RNF212: variants seen among roughly 807,000 people sequenced by gnomAD.
RNF212 encodes ring finger protein 212, also known as probable E3 SUMO-protein ligase RNF212.
A neutral mutation model predicts 34.7 loss-of-function variants in RNF212; 33 were observed. The ratio of observed to expected loss-of-function variants is 0.95; its 90% CI spans 0.72 to 1.27. The LOEUF (loss-of-function observed/expected upper bound fraction) is 1.27. Ranked by LOEUF, RNF212 falls within the 50% of genes most tolerant of loss-of-function variation. The pLI, the probability that RNF212 is intolerant of heterozygous loss-of-function variation, is 0.00. For missense variants in RNF212, 377 were observed against 362.2 expected, an observed-to-expected ratio of 1.04 and a Z score of -0.33; for synonymous variants, 140 against 136.1, an observed-to-expected ratio of 1.03 and a Z score of -0.20.
intron 3 of RNF212, among the ~76,000 whole-genome samples, chr4:1,063,534 A>G (rs555997977): frequency 1.1e-4 from 16 of 152,042 alleles, no homozygotes; most frequent in African/African-American, 3.9e-4. Flanking sequence ...AACATGGTGA[A>G]ACCCCATCTC....
chr4:1,079,495 C>T, intron 8 of RNF212, 148 bp downstream of exon 8: 1 of 691,990 alleles, frequency 1.4e-6, no homozygotes. Context: ...GCCCACCCCT[C>T]TCACCCACGG....
chr4:1,106,831 T>G (rs1244475148), intron 2 of RNF212, among the ~76,000 whole-genome samples: 3 of 152,240 alleles, frequency 2.0e-5, no homozygotes, highest in Non-Finnish European at 4.4e-5. Flanking sequence ...AGTGCAAACA[T>G]TTATATCTTT....
intron 2 of RNF212, among the ~76,000 whole-genome samples, chr4:1,102,628 A>G (rs9762205): frequency 0.82 from 123,235 of 151,098 alleles, 51,871 homozygotes; most frequent in East Asian, 1. Context: ...TGAGGCAGGC[A>G]GATCACGAGG....
chr4:1,101,776 C>CA (rs772004272), intron 2 of RNF212, among the ~76,000 whole-genome samples: 39 of 152,138 alleles, frequency 2.6e-4, no homozygotes, highest in Non-Finnish European at 5.0e-4. Flanking sequence ...CTTCTCAGCG[C>CA]AAAAATATCT....
At position 1,072,748 on chromosome 4, in the gene RNF212, G is replaced by T. The variant is rs1047660792; in HGVS notation, c.*126C>A. The T allele has an allele frequency of 2.8e-6, 4 of 1,439,270 alleles. No homozygotes were observed. The African/African-American group carries it at 5.7e-5, about 21-fold the overall frequency. The allele number at this position is 1,439,270 out of a possible 1,614,324, so 89.2% of individuals were successfully genotyped here. A position where few individuals can be genotyped will look rare whatever the true frequency, so the allele number is the denominator to read the frequency against. On this transcript the variant is annotated 3_prime_UTR_variant, in exon 10 of 10. Coordinates refer to ENST00000433731, the MANE Select transcript of RNF212 (RefSeq NM_001131034.4). ...AATTACAAAGCAAATTGGGTAAAAG[G>T]TTAATATCCTGCACACTGAGGGCTT...
intron 2 of RNF212, among the ~76,000 whole-genome samples, chr4:1,104,269 T>C (rs528749599): frequency 1.3e-5 from 2 of 152,228 alleles, no homozygotes; most frequent in South Asian, 2.1e-4. Context: ...CGAAGATGAA[T>C]GTAGGCCAAC....
intron 2 of RNF212, among the ~76,000 whole-genome samples, chr4:1,102,425 T>A (rs928905364): frequency 6.6e-6 from 1 of 152,172 alleles, no homozygotes; most frequent in Admixed American, 6.5e-5. Flanking sequence ...ATTTTTGATC[T>A]GCATCTGACT....
Position 1,090,844 on chromosome 4 carries a change from A to G in RNF212, c.247-6T>C, listed in dbSNP as rs765076395. The G allele has an allele frequency of 1.9e-6, 3 of 1,575,712 alleles. No homozygotes were observed. The highest frequency in any genetic ancestry group is 1.7e-6 in the Non-Finnish European group (2 of 1,146,056). ...TTTTCTTGAAATTCTAAAATCTGAA[A>G]AGATCATAGGTTTCAGCTGCTGACA... On this transcript the variant is annotated splice_region_variant and splice_polypyrimidine_tract_variant and intron_variant, in intron 3 of 9. Coordinates refer to ENST00000433731, the MANE Select transcript of RNF212 (RefSeq NM_001131034.4).
chr4:1,085,238 C>T (rs1200514215), intron 5 of RNF212, among the ~76,000 whole-genome samples: 3 of 152,246 alleles, frequency 2.0e-5, no homozygotes, highest in Non-Finnish European at 4.4e-5. Context: ...GAACTCTGGC[C>T]TGTTATTGAT....
At position 1,060,746 on chromosome 4, in the gene RNF212, G is replaced by A. The variant is rs117783335; in HGVS notation, n.148-2353C>T. On this transcript the variant is annotated intron_variant and non_coding_transcript_variant, in intron 3 of 4. Coordinates refer to the RNF212 transcript ENST00000503206. Reference sequence around the variant, plus strand: ...GCCAGATCCACTGTGCTGTGTTCTGGAGGGGACCGCGTACTGAAGAGTGAG... The same window carrying A: ...GCCAGATCCACTGTGCTGTGTTCTGAAGGGGACCGCGTACTGAAGAGTGAG... Among the ~76,000 whole-genome samples, 44 of 152,378 alleles carry A rather than the reference G, an allele frequency of 2.9e-4. No homozygotes were observed. The East Asian group carries it at 7.7e-3, about 27-fold the overall frequency.
chr4:1,073,447 C>A, intron 9 of RNF212, 152 bp downstream of exon 9: 1 of 727,570 alleles, frequency 1.4e-6, no homozygotes, highest in Non-Finnish European at 2.3e-6. Context: ...AAAGCTGCAC[C>A]ATTTTGGTGA....
chr4:1,106,719 C>CG (rs2153065051), intron 2 of RNF212, among the ~76,000 whole-genome samples: 1 of 152,328 alleles, frequency 6.6e-6, no homozygotes, highest in Non-Finnish European at 1.5e-5. Flanking sequence ...CGACCGTGTA[C>CG]AGGGCTTAGT....
downstream of RNF212, among the ~76,000 whole-genome samples, chr4:1,070,294 G>T (rs1718375091): frequency 6.8e-6 from 1 of 147,556 alleles, no homozygotes. Context: ...CTGAGTTACG[G>T]GTGGTTTTGT....
At chr4:1,084,662 T>C (rs1577699889) in intron 5 of RNF212, among the ~76,000 whole-genome samples, 1 of 138,194 alleles carries the variant, frequency 7.2e-6, no homozygotes, top group South Asian at 2.3e-4. Flanking sequence ...CCTTGGGAGG[T>C]TGAGGCGTGA....
chr4:1,075,378 C>G (rs1183856537), intron 8 of RNF212, among the ~76,000 whole-genome samples: 1 of 152,224 alleles, frequency 6.6e-6, no homozygotes, highest in Non-Finnish European at 1.5e-5. Context: ...AGCATGGCAA[C>G]AGCTGCTTCT....
chr4:1,069,215 A>AG (rs1392867990), downstream of RNF212, among the ~76,000 whole-genome samples: 1 of 151,806 alleles, frequency 6.6e-6, no homozygotes, highest in Non-Finnish European at 1.5e-5. Flanking sequence ...TGTCTCAAAA[A>AG]AAAAAAGAAA....
At chr4:1,092,970 G>A (rs1310125635) in intron 3 of RNF212, among the ~76,000 whole-genome samples, 1 of 86,138 alleles carries the variant, frequency 1.2e-5, no homozygotes, top group Admixed American at 1.1e-4. Context: ...GTCCACATGA[G>A]CTCCAAACTA....
At chr4:1,067,967 A>C (rs1028395835), downstream of RNF212, among the ~76,000 whole-genome samples, 1 of 152,218 alleles carries the variant, frequency 6.6e-6, no homozygotes, top group Admixed American at 6.5e-5. Flanking sequence ...GAGAAACTAA[A>C]GAAGCTCTAA....
chr4:1,098,502 G>C (rs937030054), intron 2 of RNF212, among the ~76,000 whole-genome samples: 2 of 152,184 alleles, frequency 1.3e-5, no homozygotes, highest in African/African-American at 2.4e-5. Context: ...TCTGTAACAG[G>C]GGGACTGAGA....
Sources: allele counts gnomAD v4.1 joint callset (sites outside exome capture counted in the v4.1 genomes callset), GRCh38; gene constraint gnomAD v4.1.1; transcripts MANE v1.5; gene names NCBI Gene and HGNC (gene_info 2026-07-23, HGNC 2026-07-21).